Variants in ATRNL1 observed in about 807,000 individuals in gnomAD.
The protein encoded by ATRNL1 is attractin like 1.
ATRNL1 carries 95 observed loss-of-function variants against 182.7 expected under a neutral mutation model. That is an observed-to-expected ratio of 0.52 (90% CI 0.44 to 0.62). ATRNL1 has a LOEUF of 0.62. Ranked by LOEUF, ATRNL1 falls within the 20% of genes least tolerant of loss-of-function variation. The pLI is 0.00. For missense variants in ATRNL1, 1,471 were observed against 1,679.5 expected, an observed-to-expected ratio of 0.88 and a Z score of 2.17; for synonymous variants, 576 against 568.3, an observed-to-expected ratio of 1.01 and a Z score of -0.19.
At chr10:115,287,837 A>G (rs557510449) in intron 15 of ATRNL1, among the ~76,000 whole-genome samples, 29 of 151,876 alleles carry the variant, frequency 1.9e-4, no homozygotes, top group Admixed American at 1.8e-3. Flanking sequence ...CAATCCTTTA[A>G]TAAATCTCTT....
chr10:115,739,039 TTTATC>T (rs1400968456), intron 27 of ATRNL1, among the ~76,000 whole-genome samples: 4 of 152,154 alleles, frequency 2.6e-5, no homozygotes, highest in Admixed American at 6.5e-5. Flanking sequence ...AAATATTATT[TTTATC>T]TTATCTTAAA....
intron 28 of ATRNL1, among the ~76,000 whole-genome samples, chr10:115,921,592 C>G (rs1953065449): frequency 6.6e-6 from 1 of 152,130 alleles, no homozygotes; most frequent in Non-Finnish European, 1.5e-5. Context: ...ATAATACAGC[C>G]CAAATTTACC....
chr10:115,263,686 G>T (rs1483265226), intron 10 of ATRNL1, among the ~76,000 whole-genome samples: 1 of 151,622 alleles, frequency 6.6e-6, no homozygotes, highest in Non-Finnish European at 1.5e-5. Flanking sequence ...AATTTCTTTT[G>T]CACCAACCTA....
intron 5 of ATRNL1, among the ~76,000 whole-genome samples, chr10:115,144,218 G>T (rs1230058478): frequency 1.3e-5 from 2 of 151,980 alleles, no homozygotes; most frequent in Admixed American, 1.3e-4. Context: ...CGCGATCTCG[G>T]CTCACTGCAA....
At chr10:115,799,055 G>A (rs2134230362) in intron 27 of ATRNL1, among the ~76,000 whole-genome samples, 1 of 152,044 alleles carries the variant, frequency 6.6e-6, no homozygotes, top group South Asian at 2.1e-4. Context: ...TTGAACTCCT[G>A]ACCTCGTGTT....
At chr10:115,238,266 A>C (rs1850268639) in intron 9 of ATRNL1, among the ~76,000 whole-genome samples, 1 of 152,168 alleles carries the variant, frequency 6.6e-6, no homozygotes, top group Non-Finnish European at 1.5e-5. Flanking sequence ...TTTGATAAAA[A>C]TTTGGTAAAT....
intron 27 of ATRNL1, among the ~76,000 whole-genome samples, chr10:115,747,911 A>T (rs1219255219): frequency 6.6e-6 from 1 of 151,988 alleles, no homozygotes; most frequent in Non-Finnish European, 1.5e-5. Context: ...AACACACTCC[A>T]TTGGCCTTCT....
chr10:115,931,122 A>G (rs1176447021), intron 28 of ATRNL1, among the ~76,000 whole-genome samples: 2 of 152,174 alleles, frequency 1.3e-5, no homozygotes, highest in African/African-American at 4.8e-5. Context: ...TATAAGCCAT[A>G]TATTTGTCTT....
chr10:115,826,149 T>C (rs1950425926), intron 27 of ATRNL1, among the ~76,000 whole-genome samples: 1 of 152,218 alleles, frequency 6.6e-6, no homozygotes, highest in Non-Finnish European at 1.5e-5. Context: ...TCATGCTAGC[T>C]ATGACTGTTC....
At chr10:115,407,136 T>G (rs914130770) in intron 20 of ATRNL1, among the ~76,000 whole-genome samples, 1 of 152,192 alleles carries the variant, frequency 6.6e-6, no homozygotes, top group Non-Finnish European at 1.5e-5. Context: ...ACGATAATGG[T>G]ACATATTTAT....
At chr10:115,857,726 T>A (rs1430868969) in intron 28 of ATRNL1, among the ~76,000 whole-genome samples, 1 of 152,082 alleles carries the variant, frequency 6.6e-6, no homozygotes, top group Non-Finnish European at 1.5e-5. Context: ...ATAGTGAAAA[T>A]GGCTAATTAA....
chr10:115,603,891 G>A (rs1856744068), intron 26 of ATRNL1, among the ~76,000 whole-genome samples: 1 of 152,092 alleles, frequency 6.6e-6, no homozygotes, highest in Non-Finnish European at 1.5e-5. Flanking sequence ...TATTTTGCCT[G>A]CAGTTTTCAA....
chr10:115,373,526 G>A (rs1193547943), intron 19 of ATRNL1, among the ~76,000 whole-genome samples: 1 of 151,922 alleles, frequency 6.6e-6, no homozygotes, highest in African/African-American at 2.4e-5. Flanking sequence ...TTATGTTGAA[G>A]TACATTCAAT....
intron 26 of ATRNL1, among the ~76,000 whole-genome samples, chr10:115,712,640 G>A (rs187026937): frequency 6.6e-4 from 101 of 152,216 alleles, no homozygotes; most frequent in Middle Eastern, 6.8e-3. Flanking sequence ...GCCAAGGCAG[G>A]TGGATCACTT....
intron 17 of ATRNL1, 61 bp downstream of exon 17, chr10:115,302,104 T>A: frequency 7.3e-7 from 1 of 1,362,598 alleles, no homozygotes; most frequent in Non-Finnish European, 9.9e-7. Context: ...TTTTCTGTGA[T>A]GTAAAGAAGA....
chr10:115,527,927 C>CCTCCTTCCTTCTCCTTCCTT (rs371142489), intron 25 of ATRNL1, among the ~76,000 whole-genome samples: 2 of 111,294 alleles, frequency 1.8e-5, no homozygotes, highest in Non-Finnish European at 3.8e-5. Flanking sequence ...TCCCTTCCTC[C>CCTCCTTCCTTCTCCTTCCTT]CTCCTTCCTT....
chr10:115,621,187 G>A (rs1343577604), intron 26 of ATRNL1, among the ~76,000 whole-genome samples: 8 of 149,586 alleles, frequency 5.3e-5, no homozygotes, highest in African/African-American at 7.4e-5. Flanking sequence ...GAACTTGAAA[G>A]CCTGTACATG....
At chr10:115,850,746 T>C (rs781791235) in intron 28 of ATRNL1, among the ~76,000 whole-genome samples, 6 of 152,226 alleles carry the variant, frequency 3.9e-5, no homozygotes, top group Non-Finnish European at 8.8e-5. Context: ...TAGCTTCAGC[T>C]AATTTCAGTA....
At chr10:115,882,799 T>C (rs1440705425) in intron 28 of ATRNL1, among the ~76,000 whole-genome samples, 2 of 152,230 alleles carry the variant, frequency 1.3e-5, no homozygotes, top group East Asian at 3.8e-4. Flanking sequence ...TGGTGAATAG[T>C]TTTGTAAAAT....
Sources: allele counts gnomAD v4.1 joint callset (sites outside exome capture counted in the v4.1 genomes callset), GRCh38; gene constraint gnomAD v4.1.1; transcripts MANE v1.5; gene names NCBI Gene and HGNC (gene_info 2026-07-23, HGNC 2026-07-21).